Variants in MDGA2 observed in about 807,000 individuals in gnomAD.
MDGA2 encodes the protein MAM domain containing glycosylphosphatidylinositol anchor 2.
MDGA2 carries 40 observed loss-of-function variants against 117.8 expected under a neutral mutation model. That is an observed-to-expected ratio of 0.34 (90% CI 0.26 to 0.44). The LOEUF is 0.44. MDGA2 is among the 20% of genes least tolerant of loss of function. The pLI is 1.00. For missense variants in MDGA2, 1,123 were observed against 1,250.6 expected (o/e 0.90, Z 1.54); for synonymous variants, 452 against 439.0 (o/e 1.03, Z -0.37).
chr14:47,370,185 A>T (rs573756884), intron 1 of MDGA2, among the ~76,000 whole-genome samples: 18 of 152,106 alleles, frequency 1.2e-4, no homozygotes, highest in African/African-American at 4.3e-4. Context: ...GCTTAATATT[A>T]TTATGAGTGA....
intron 1 of MDGA2, among the ~76,000 whole-genome samples, chr14:47,580,255 C>T (rs1896204901): frequency 6.6e-6 from 1 of 152,008 alleles, no homozygotes; most frequent in South Asian, 2.1e-4. Flanking sequence ...ACACAAGATT[C>T]AGTGTCTTGT....
At chr14:47,379,500 C>T (rs1041925947) in intron 1 of MDGA2, among the ~76,000 whole-genome samples, 1 of 151,924 alleles carries the variant, frequency 6.6e-6, no homozygotes, top group African/African-American at 2.4e-5. Flanking sequence ...CACACATAGG[C>T]TCAAAATAAA....
At chr14:47,471,758 A>G (rs901609699) in intron 1 of MDGA2, among the ~76,000 whole-genome samples, 19 of 152,134 alleles carry the variant, frequency 1.2e-4, no homozygotes, top group Non-Finnish European at 2.8e-4. Flanking sequence ...AAGCAAAAAA[A>G]CATGGAAAGC....
intron 3 of MDGA2, among the ~76,000 whole-genome samples, chr14:47,211,699 C>T (rs567166239): frequency 3.6e-4 from 55 of 152,258 alleles, no homozygotes; most frequent in African/African-American, 1.2e-3. Flanking sequence ...AAAAGGAGTT[C>T]CGAACCCAAG....
chr14:47,164,817 C>T (rs992226988), intron 3 of MDGA2, among the ~76,000 whole-genome samples: 2 of 152,128 alleles, frequency 1.3e-5, no homozygotes, highest in Non-Finnish European at 2.9e-5. Context: ...TTTATTGCAG[C>T]ACTATTCACA....
intron 3 of MDGA2, 73 bp downstream of exon 3, chr14:47,217,948 G>T: frequency 1.6e-6 from 2 of 1,235,488 alleles, no homozygotes; most frequent in African/African-American, 1.6e-5. Flanking sequence ...TGGTTTTTCA[G>T]AAAACCATAG....
chr14:47,521,073 C>A (rs1416655468), intron 1 of MDGA2, among the ~76,000 whole-genome samples: 2 of 152,166 alleles, frequency 1.3e-5, no homozygotes, highest in Non-Finnish European at 2.9e-5. Context: ...AAAATAACTT[C>A]CACTTTGAAG....
rs543276865 is a variant in MDGA2 at position 47,652,746 on chromosome 14, T to G, written c.280+21771A>C. On this transcript the variant is annotated intron_variant, in intron 1 of 16. Transcript: ENST00000399232. The stretch of plus-strand genomic sequence containing the variant: ...TAATTTTTAAAATTGCAAAGATCAT[T>G]TCAGTGCTGCTCCCCTCCCCCCAGG... 3.3e-5 allele frequency among the ~76,000 whole-genome samples: 5 copies of G among 152,232 alleles called. 1 individual carries two copies. Among genetic ancestry groups the G allele is most frequent in the African/African-American group, 9.6e-5 (4 of 41,550 alleles).
At chr14:46,987,936 G>A (rs1313434060) in intron 8 of MDGA2, among the ~76,000 whole-genome samples, 1 of 143,816 alleles carries the variant, frequency 7.0e-6, no homozygotes, top group South Asian at 2.3e-4. Flanking sequence ...GTGGGGGGGG[G>A]TGCGCGCGTG....
intron 8 of MDGA2, among the ~76,000 whole-genome samples, chr14:47,016,978 T>C (rs1888106668): frequency 6.6e-6 from 1 of 151,996 alleles, no homozygotes; most frequent in Admixed American, 6.6e-5. Context: ...TTCTGTTTTG[T>C]TGTGTTTCCA....
At chr14:47,563,258 T>G (rs1296747759) in intron 1 of MDGA2, among the ~76,000 whole-genome samples, 1 of 152,132 alleles carries the variant, frequency 6.6e-6, no homozygotes, top group Non-Finnish European at 1.5e-5. Context: ...AGGTCAATTT[T>G]GTCAAATGTC....
At chr14:47,093,053 G>A (rs1320023309) in intron 6 of MDGA2, among the ~76,000 whole-genome samples, 1 of 151,954 alleles carries the variant, frequency 6.6e-6, no homozygotes, top group Non-Finnish European at 1.5e-5. Context: ...GAGCTACGGT[G>A]GTCAGAACCT....
chr14:47,294,446 T>A (rs1407077805), intron 2 of MDGA2, among the ~76,000 whole-genome samples: 1 of 152,120 alleles, frequency 6.6e-6, no homozygotes, highest in Non-Finnish European at 1.5e-5. Flanking sequence ...ATCCTAAACA[T>A]TTTCCACATC....
intron 2 of MDGA2, among the ~76,000 whole-genome samples, chr14:47,227,282 C>G (rs1886539009): frequency 6.6e-6 from 1 of 152,118 alleles, no homozygotes; most frequent in Non-Finnish European, 1.5e-5. Context: ...ACCCCTGTGA[C>G]TCTTAGCCGA....
intron 1 of MDGA2, among the ~76,000 whole-genome samples, chr14:47,540,199 G>A (rs1321453739): frequency 1.3e-5 from 2 of 151,916 alleles, no homozygotes; most frequent in African/African-American, 4.8e-5. Context: ...ATTTTTGGTA[G>A]AGACGGGGTT....
At chr14:46,858,714 A>C (rs775987116) in intron 14 of MDGA2, among the ~76,000 whole-genome samples, 6 of 152,122 alleles carry the variant, frequency 3.9e-5, no homozygotes, top group Admixed American at 1.3e-4. Flanking sequence ...GGCGTGAGCC[A>C]CCGTGCCCGG....
At chr14:47,148,099 G>T (rs1286902521) in intron 3 of MDGA2, among the ~76,000 whole-genome samples, 1 of 152,074 alleles carries the variant, frequency 6.6e-6, no homozygotes, top group Admixed American at 6.6e-5. Flanking sequence ...ATATAGGCTG[G>T]TCACTCCCAC....
chr14:47,088,267 T>C (rs1376875491), intron 6 of MDGA2, among the ~76,000 whole-genome samples: 1 of 141,070 alleles, frequency 7.1e-6, no homozygotes, highest in African/African-American at 2.7e-5. Flanking sequence ...TAATAATGCA[T>C]TTTTGAGCTA....
intron 3 of MDGA2, among the ~76,000 whole-genome samples, chr14:47,194,527 T>A (rs1276538829): frequency 6.6e-6 from 1 of 152,106 alleles, no homozygotes; most frequent in Non-Finnish European, 1.5e-5. Context: ...TAAATAATTC[T>A]CATTCCACTA....
Sources: gnomAD v4.1 joint callset for allele counts (sites outside exome capture counted in the v4.1 genomes callset) on GRCh38, gnomAD v4.1.1 for gene constraint, MANE v1.5 for transcripts, NCBI Gene and HGNC (gene_info 2026-07-23, HGNC 2026-07-21) for gene names.